MAP2K3: variants seen among roughly 807,000 people sequenced by gnomAD.
MAP2K3 encodes the protein mitogen-activated protein kinase kinase 3.
In MAP2K3, 30 loss-of-function variants were observed where a neutral mutation model predicts 46.4. The observed-to-expected ratio is 0.65, with a 90% confidence interval of 0.48 to 0.88. The LOEUF (loss-of-function observed/expected upper bound fraction) is 0.88, where lower values mean the gene tolerates loss of function less well. MAP2K3 is among the 40% of genes least tolerant of loss of function. The pLI is 0.00. For missense variants in MAP2K3, 380 were observed against 464.5 expected (o/e 0.82, Z 1.67); for synonymous variants, 189 against 176.3 (o/e 1.07, Z -0.57).
At chr17:21,297,104 G>C (rs1044790228) in intron 1 of MAP2K3, among the ~76,000 whole-genome samples, 4 of 152,308 alleles carry the variant, frequency 2.6e-5, no homozygotes, top group African/African-American at 9.6e-5. Flanking sequence ...GTTTCCTGTT[G>C]TTCTGGCCTT....
intron 9 of MAP2K3, among the ~76,000 whole-genome samples, chr17:21,306,891 T>C (rs1039127643): frequency 5.3e-5 from 8 of 152,298 alleles, no homozygotes; most frequent in African/African-American, 1.9e-4. Context: ...GCTCAAGCCA[T>C]CCCCCTACCT....
At chr17:21,310,298 C>T (rs879751391) in intron 9 of MAP2K3, among the ~76,000 whole-genome samples, 10 of 151,906 alleles carry the variant, frequency 6.6e-5, no homozygotes, top group African/African-American at 1.7e-4. Flanking sequence ...TGTGAGCCAC[C>T]GCACCTGGCC....
intron 7 of MAP2K3, among the ~76,000 whole-genome samples, chr17:21,303,787 C>T (rs1976736596): frequency 6.6e-6 from 1 of 152,312 alleles, no homozygotes; most frequent in Non-Finnish European, 1.5e-5. Flanking sequence ...AGATTTACTG[C>T]TTTTCAAAAA....
intron 9 of MAP2K3, among the ~76,000 whole-genome samples, chr17:21,310,918 A>G (rs1303505001): frequency 2.0e-5 from 3 of 152,196 alleles, no homozygotes; most frequent in African/African-American, 4.8e-5. Flanking sequence ...CTGCTTTTCT[A>G]ATTATAACTC....
intron 1 of MAP2K3, among the ~76,000 whole-genome samples, chr17:21,292,401 T>TC (rs1975992404): frequency 6.6e-6 from 1 of 152,304 alleles, no homozygotes; most frequent in African/African-American, 2.4e-5. Context: ...TTTTTTTTTT[T>TC]GAGACAGTGT....
chr17:21,294,058 T>C (rs1976099235), intron 1 of MAP2K3, among the ~76,000 whole-genome samples: 1 of 152,310 alleles, frequency 6.6e-6, no homozygotes, highest in Non-Finnish European at 1.5e-5. Context: ...AACACATCCA[T>C]CCACACCGTC....
At chr17:21,309,488 C>A (rs921659058) in intron 9 of MAP2K3, among the ~76,000 whole-genome samples, 1 of 152,120 alleles carries the variant, frequency 6.6e-6, no homozygotes, top group Non-Finnish European at 1.5e-5. Context: ...GTTATTCTAC[C>A]TAGAGACACC....
chr17:21,294,794 C>T (rs928862042), intron 1 of MAP2K3, among the ~76,000 whole-genome samples: 3 of 152,306 alleles, frequency 2.0e-5, no homozygotes, highest in South Asian at 2.1e-4. Context: ...TATGGCATGA[C>T]GCTGATAACC....
At chr17:21,298,196 C>T (rs1399146171) in intron 1 of MAP2K3, among the ~76,000 whole-genome samples, 1 of 152,310 alleles carries the variant, frequency 6.6e-6, no homozygotes, top group Non-Finnish European at 1.5e-5. Flanking sequence ...AGTCCAGCCT[C>T]CAGGCCTGGG....
intron 9 of MAP2K3, 30 bp from the exon 10 acceptor site, chr17:21,312,111 CG>C: frequency 6.7e-7 from 1 of 1,495,152 alleles, no homozygotes. Context: ...TATCTGGGGC[CG>C]GGGCCTCTGA....
At position 21,302,216 on chromosome 17, in the gene MAP2K3, A is replaced by C; in HGVS notation, c.473A>C (p.Asn158Thr). The change falls in exon 6 of 12, where the codon AAC becomes ACC. Residue 158 changes from asparagine (N) to threonine (T), a missense_variant. Transcript: ENST00000342679. ...TTCTACCGGAAGGTGCTGGATAAAA[A>C]CATGACAATTCCAGAGGACATCCTT... ...DKFYRKVLDK[N>T]MTIPEDILGE... The C allele has an allele frequency of 6.2e-7, 1 of 1,614,274 alleles. No individual in the cohort carries two copies. The highest frequency in any genetic ancestry group is 8.5e-7 in the Non-Finnish European group (1 of 1,180,024).
At chr17:21,291,157 T>C (rs1236944186) in intron 1 of MAP2K3, among the ~76,000 whole-genome samples, 3 of 152,252 alleles carry the variant, frequency 2.0e-5, no homozygotes, top group Admixed American at 6.5e-5. Flanking sequence ...GGCAGGAGAA[T>C]GGCATGAACC....
At chr17:21,294,539 T>G (rs1227170615) in intron 1 of MAP2K3, among the ~76,000 whole-genome samples, 2 of 152,310 alleles carry the variant, frequency 1.3e-5, no homozygotes, top group Non-Finnish European at 2.9e-5. Context: ...AGGCTGTTGC[T>G]GTTTGGACGT....
intron 1 of MAP2K3, among the ~76,000 whole-genome samples, chr17:21,286,048 A>G (rs993122838): frequency 6.6e-6 from 1 of 152,174 alleles, no homozygotes; most frequent in Non-Finnish European, 1.5e-5. Context: ...TCACCCCAGC[A>G]AGCTCCCTGG....
rs769770385 is a variant in MAP2K3, at chr17:21,287,957, C to T, written c.49+2988C>T. 36 of 1,160,822 alleles carry T rather than the reference C, an allele frequency of 3.1e-5. 1 individual carries two copies. The highest frequency in any genetic ancestry group is 2.8e-4 in the South Asian group (22 of 78,510). 71.9% of individuals were successfully genotyped at this position (1,160,822 alleles called of 1,614,324 possible). On this transcript the variant is annotated intron_variant, in intron 1 of 11. Coordinates refer to ENST00000342679, the MANE Select transcript of MAP2K3 (RefSeq NM_145109.3). ...GTCGGAAAGACTGGAGGTGGCACCT[C>T]GGGGACTTCCCCCACCCCTCTTGTG...
Position 21,305,784 on chromosome 17 carries a change from G to A in MAP2K3, c.774+656G>A, listed in dbSNP as rs1976863923. Among the ~76,000 whole-genome samples the A allele has an allele frequency of 3.3e-5, 5 of 152,308 alleles. No homozygotes were observed. In the South Asian group the frequency reaches 1.0e-3, roughly 31 times the overall value. ...GGAGGGATGGGAAGACCACCAGGAT[G>A]TGTCCCCCAGCCAGGGCTAGGAAGC... On this transcript the variant is annotated intron_variant, in intron 9 of 11. Coordinates refer to ENST00000342679, the MANE Select transcript of MAP2K3 (RefSeq NM_145109.3).
At chr17:21,301,130 T>G in intron 5 of MAP2K3, 137 bp downstream of exon 5, 1 of 1,424,852 alleles carries the variant, frequency 7.0e-7, no homozygotes, top group Non-Finnish European at 9.6e-7. Context: ...CCCCGTCTCT[T>G]GGCTGTTACT....
chr17:21,313,935 T>C (rs1977287168), intron 11 of MAP2K3: 2 of 600,044 alleles, frequency 3.3e-6, no homozygotes, highest in Non-Finnish European at 3.0e-6. Flanking sequence ...GGGAGGTTAG[T>C]GTGGCTGGAG....
At chr17:21,314,096 CT>C in intron 11 of MAP2K3, 50 bp from the exon 12 acceptor site, 1 of 1,451,348 alleles carries the variant, frequency 6.9e-7, no homozygotes, top group Non-Finnish European at 9.7e-7. Flanking sequence ...GAGTGGCCAC[CT>C]CTCCCTCCCG....
Sources: gnomAD v4.1 joint callset for allele counts (sites outside exome capture counted in the v4.1 genomes callset) on GRCh38, gnomAD v4.1.1 for gene constraint, MANE v1.5 for transcripts, NCBI Gene and HGNC (gene_info 2026-07-23, HGNC 2026-07-21) for gene names.